The following CNGA3 variants were observed in gnomAD, a reference collection of about 807,000 sequenced individuals.
The protein encoded by CNGA3 is cyclic nucleotide-gated channel alpha-3.
Under a neutral mutation model 46.6 loss-of-function variants are expected in CNGA3, and 42 were observed. The ratio of observed to expected loss-of-function variants is 0.90; its 90% confidence interval spans 0.70 to 1.17. CNGA3 has a LOEUF of 1.17. Among genes scored for constraint, CNGA3 ranks in the 50% most tolerant of loss-of-function variants. The pLI, the probability that CNGA3 is intolerant of heterozygous loss-of-function variation, is 0.00. For synonymous variants in CNGA3, 394 were observed against 369.4 expected, an observed-to-expected ratio of 1.07 and a Z score of -0.76; for missense variants, 893 against 890.7, an observed-to-expected ratio of 1.00 and a Z score of -0.03.
At chr2:98,393,206 G>T (rs924282831) in intron 7 of CNGA3, among the ~76,000 whole-genome samples, 1 of 151,920 alleles carries the variant, frequency 6.6e-6, no homozygotes, top group Non-Finnish European at 1.5e-5. Context: ...TCATGGCCTC[G>T]GTTTACAGAG....
intron 3 of CNGA3, 133 bp downstream of exon 3, chr2:98,377,933 C>A: frequency 7.7e-7 from 1 of 1,303,974 alleles, no homozygotes; most frequent in Non-Finnish European, 1.1e-6. Flanking sequence ...AGGAGCAGAG[C>A]AGCCTGAAAA....
rs1022375154 is a variant in CNGA3 at position 98,392,097 on chromosome 2, G to A, written c.673+127G>A. The stretch of plus-strand genomic sequence containing the variant: ...AGGCCAGGCAGGTCTGGGGACCTCC[G>A]ACAGTGAGGGTAGGTGGTGCGGCCT... On this transcript the variant is annotated intron_variant, in intron 7 of 7. Transcript: ENST00000272602. 13 of 793,088 alleles carry A rather than the reference G, an allele frequency of 1.6e-5. 1 individual carries two copies. The highest frequency in any genetic ancestry group is 6.8e-5 in the African/African-American group (4 of 59,036). 49.1% of individuals were successfully genotyped at this position (793,088 alleles called of 1,614,324 possible). A position where few individuals can be genotyped will look rare whatever the true frequency, so the allele number is the denominator to read the frequency against.
chr2:98,349,822 G>C (rs540507504), intron 1 of CNGA3, among the ~76,000 whole-genome samples: 50 of 152,314 alleles, frequency 3.3e-4, no homozygotes, highest in Non-Finnish European at 5.9e-4. Flanking sequence ...GACTGATGCT[G>C]GATCTGGGGC....
intron 1 of CNGA3, among the ~76,000 whole-genome samples, chr2:98,361,219 C>T (rs1692025837): frequency 6.6e-6 from 1 of 152,026 alleles, no homozygotes; most frequent in Admixed American, 6.6e-5. Context: ...GTTGTTATTC[C>T]CCTCACTGTG....
intron 3 of CNGA3, chr2:98,378,324 C>A: frequency 2.6e-6 from 3 of 1,144,028 alleles, no homozygotes; most frequent in Non-Finnish European, 1.2e-6. Flanking sequence ...GCTGCTCCAT[C>A]CTGAGGAAGT....
At position 98,397,197 on chromosome 2, in the gene CNGA3, C is replaced by G; in HGVS notation, c.2027C>G (p.Pro676Arg). The G allele has an allele frequency of 6.2e-7, 1 of 1,614,026 alleles. No individual in the cohort carries two copies. Among genetic ancestry groups the G allele is most frequent in the South Asian group, 1.1e-5 (1 of 91,072 alleles). Residue 676 changes from proline to arginine, a missense_variant, in exon 8 of 8, where the codon CCC becomes CGC. By Grantham distance (103) the Pro-to-Arg change is moderately radical (BLOSUM62 -2). Transcript: ENST00000272602. Reference sequence around the variant, plus strand: ...CAGGTGAAGGGTGGTGGGGACAAGCCCCTGGCTGATGGGGAAGTTCCCGGG... The same window carrying G: ...CAGGTGAAGGGTGGTGGGGACAAGCGCCTGGCTGATGGGGAAGTTCCCGGG... ...ESQVKGGGDK[P>R]LADGEVPGDA... is the part of the protein sequence containing the mutation.
Position 98,397,411 on chromosome 2 carries a change from T to A in CNGA3, c.*156T>A. ...GCCTGAGAGAACCTGTTTCTTCACC[T>A]AAAAAATGGGACTTTTTGTCTCAGT... On this transcript the variant is annotated 3_prime_UTR_variant, in exon 8 of 8. Coordinates refer to ENST00000272602, the MANE Select transcript of CNGA3 (RefSeq NM_001298.3). 2.6e-6 allele frequency: 2 copies of A among 777,840 alleles called. No homozygotes were observed. Among genetic ancestry groups the A allele is most frequent in the Non-Finnish European group, 4.2e-6 (2 of 473,748 alleles). 48.2% of individuals were successfully genotyped at this position (777,840 alleles called of 1,614,324 possible). A position where few individuals can be genotyped will look rare whatever the true frequency, so the allele number is the denominator to read the frequency against.
At chr2:98,354,227 T>A (rs1691829981) in intron 1 of CNGA3, among the ~76,000 whole-genome samples, 1 of 152,238 alleles carries the variant, frequency 6.6e-6, no homozygotes. Context: ...TATTCTTTAT[T>A]GTTTTGGTTT....
chr2:98,372,189 T>G (rs1451479680), intron 2 of CNGA3, among the ~76,000 whole-genome samples: 3 of 152,216 alleles, frequency 2.0e-5, no homozygotes, highest in Non-Finnish European at 4.4e-5. Context: ...AGCACCGTGG[T>G]CCTGCTGACT....
At position 98,382,737 on chromosome 2, in the gene CNGA3, G is replaced by A. The variant is rs1328542211; in HGVS notation, c.396-651G>A. ...AAATTCAACTTTAAATAAATATCCAGTTTGTGCAAAACCAGCCCCTACCTT... is the reference window on the plus strand; with the variant it reads ...AAATTCAACTTTAAATAAATATCCAATTTGTGCAAAACCAGCCCCTACCTT... On this transcript the variant is annotated intron_variant, in intron 4 of 7. Transcript: ENST00000272602. 4.6e-5 allele frequency among the ~76,000 whole-genome samples: 7 copies of A among 152,212 alleles called. No homozygotes were observed. In the East Asian group the frequency reaches 1.3e-3, roughly 29 times the overall value.
rs116464841 is a variant in CNGA3 at position 98,371,939 on chromosome 2, G to C, written c.101+1863G>C. ...TTGGGAGAAGGACCAGAGGCTGTCA[G>C]GATCAGGAAGATTTTGAAGCAGAAT... On this transcript the variant is annotated intron_variant, in intron 2 of 7. Coordinates refer to ENST00000272602, the MANE Select transcript of CNGA3 (RefSeq NM_001298.3). 7.0e-3 allele frequency among the ~76,000 whole-genome samples: 1,066 copies of C among 152,350 alleles called. 16 individuals are homozygous for C. Among genetic ancestry groups the C allele is most frequent in the African/African-American group, 0.024 (987 of 41,574 alleles).
intron 1 of CNGA3, among the ~76,000 whole-genome samples, chr2:98,348,177 T>C (rs999733473): frequency 6.6e-6 from 1 of 152,202 alleles, no homozygotes; most frequent in Admixed American, 6.5e-5. Context: ...CCGCACTTCC[T>C]CTTCAGCCTC....
At chr2:98,373,660 A>G (rs1692338953) in intron 2 of CNGA3, among the ~76,000 whole-genome samples, 1 of 152,206 alleles carries the variant, frequency 6.6e-6, no homozygotes, top group Non-Finnish European at 1.5e-5. Context: ...AATAAGTCTG[A>G]GTTTTCATTT....
At chr2:98,369,851 C>T (rs576042792) in intron 1 of CNGA3, 88 bp from the exon 2 acceptor site, 22 of 791,786 alleles carry the variant, frequency 2.8e-5, no homozygotes, top group Non-Finnish European at 3.8e-5. Flanking sequence ...GCAGGGGGGC[C>T]GCGTGCGGTA....
chr2:98,364,361 G>A (rs377410487), intron 1 of CNGA3, among the ~76,000 whole-genome samples: 1 of 151,892 alleles, frequency 6.6e-6, no homozygotes, highest in East Asian at 1.9e-4. Context: ...CTGGGCAACA[G>A]AGCAAGACTC....
At position 98,370,086 on chromosome 2, in the gene CNGA3, G is replaced by A. The variant is rs1692252226; in HGVS notation, c.101+10G>A. The A allele has an allele frequency of 1.9e-6, 3 of 1,586,584 alleles. No individual in the cohort carries two copies. The highest frequency in any genetic ancestry group is 2.6e-6 in the Non-Finnish European group (3 of 1,155,936). On this transcript the variant is annotated intron_variant, in intron 2 of 7. Transcript: ENST00000272602. ...AAAATGGCCTCAGCAGGTAAGATGG[G>A]CTAAGATGGGCTTTTCATTTTATGC...
At chr2:98,364,901 T>C (rs1692110888) in intron 1 of CNGA3, among the ~76,000 whole-genome samples, 1 of 152,204 alleles carries the variant, frequency 6.6e-6, no homozygotes, top group African/African-American at 2.4e-5. Context: ...AAATTCTGGG[T>C]TGCAAATTCT....
At position 98,397,169 on chromosome 2, in the gene CNGA3, A is replaced by T. The variant is rs1210322102; in HGVS notation, c.1999A>T (p.Ser667Cys). The T allele has an allele frequency of 6.2e-7, 1 of 1,614,042 alleles. No individual in the cohort carries two copies. Among genetic ancestry groups the T allele is most frequent in the Non-Finnish European group, 8.5e-7 (1 of 1,180,028 alleles). ...KMKQRLSQLESQVKGGGDKPL... is the reference protein window; with the variant it reads ...KMKQRLSQLECQVKGGGDKPL... ...GAAGCAGCGTCTCAGCCAACTGGAA[A>T]GCCAGGTGAAGGGTGGTGGGGACAA... Residue 667 changes from serine (S) to cysteine (C), a missense_variant, in exon 8 of 8, where the codon AGC becomes TGC. Ser to Cys is a moderately radical substitution (Grantham distance 112, BLOSUM62 -1). Coordinates refer to ENST00000272602, the MANE Select transcript of CNGA3 (RefSeq NM_001298.3).
At chr2:98,363,930 T>A (rs1692089521) in intron 1 of CNGA3, among the ~76,000 whole-genome samples, 1 of 152,246 alleles carries the variant, frequency 6.6e-6, no homozygotes, top group Admixed American at 6.5e-5. Flanking sequence ...GGAGTCTGCA[T>A]CTCTTTGTAG....
Sources: gnomAD v4.1 joint callset for allele counts (sites outside exome capture counted in the v4.1 genomes callset) on GRCh38, gnomAD v4.1.1 for gene constraint, MANE v1.5 for transcripts, NCBI Gene and HGNC (gene_info 2026-07-23, HGNC 2026-07-21) for gene names.